Variants in ZNF469 observed in about 807,000 individuals in gnomAD.
The protein encoded by ZNF469 is zinc finger protein 469.
Under a neutral mutation model 1.0 loss-of-function variants are expected in ZNF469, and 1 was observed. The observed-to-expected ratio is 1.00, with a 90% CI of 0.35 to 4.73. The LOEUF (loss-of-function observed/expected upper bound fraction) is 4.73. Among genes scored for constraint, ZNF469 ranks in the 30% most tolerant of loss-of-function variants. The pLI is 0.16. For synonymous variants in ZNF469, 2,703 were observed against 2,363.4 expected (o/e 1.14, Z -4.17); for missense variants, 6,100 against 5,356.3 (o/e 1.14, Z -4.33).
the ZNF469 span, among the ~76,000 whole-genome samples, chr16:88,372,424 A>G: frequency 6.6e-6 from 1 of 151,088 alleles, no homozygotes; most frequent in Non-Finnish European, 1.5e-5. Context: ...CATCACCATC[A>G]TCACCATCAT....
In ZNF469 at chr16:88,435,615, T is replaced by C. The variant is rs2142311990; in HGVS notation, c.8145T>C (p.Cys2715=). The change falls in exon 3 of 3, where the codon TGT becomes TGC. Residue 2715 remains cysteine (C), a synonymous_variant. Transcript: ENST00000565624. ...GAAETDQEAL[C]AGETGAQKPP... ...CGGAGACTGACCAGGAGGCTCTGTGTGCAGGGGAGACTGGGGCCCAGAAGC... is the reference window on the plus strand; with the variant it reads ...CGGAGACTGACCAGGAGGCTCTGTGCGCAGGGGAGACTGGGGCCCAGAAGC... 2 of 1,550,304 alleles carry C rather than the reference T, an allele frequency of 1.3e-6. No individual in the cohort carries two copies. The highest frequency in any genetic ancestry group is 1.7e-6 in the Non-Finnish European group (2 of 1,146,970).
At chr16:88,306,554 G>T in the ZNF469 span, among the ~76,000 whole-genome samples, 4 of 152,336 alleles carry the variant, frequency 2.6e-5, no homozygotes, top group African/African-American at 7.2e-5. Flanking sequence ...GGGTGGTGGG[G>T]TGTGGTCCAC....
At chr16:88,318,271 C>A in the ZNF469 span, among the ~76,000 whole-genome samples, 1 of 152,240 alleles carries the variant, frequency 6.6e-6, no homozygotes, top group Non-Finnish European at 1.5e-5. Flanking sequence ...GCAAAGCCCC[C>A]AGTGGGCCCG....
chr16:88,222,477 G>C, the ZNF469 span, among the ~76,000 whole-genome samples: 1 of 152,196 alleles, frequency 6.6e-6, no homozygotes, highest in Non-Finnish European at 1.5e-5. Context: ...TTTTCCTAAG[G>C]CTGGGTGCGG....
the ZNF469 span, among the ~76,000 whole-genome samples, chr16:88,122,514 C>G: frequency 6.6e-6 from 1 of 151,566 alleles, no homozygotes; most frequent in Non-Finnish European, 1.5e-5. Context: ...CCACTCAGAT[C>G]ACACTCTGTC....
At chr16:88,153,310 AC>A in the ZNF469 span, among the ~76,000 whole-genome samples, 3 of 152,150 alleles carry the variant, frequency 2.0e-5, no homozygotes, top group African/African-American at 7.2e-5. Context: ...CACACTGAGC[AC>A]CCTAACCCTA....
At chr16:88,419,655 G>A (rs1052981956) in intron 1 of ZNF469, among the ~76,000 whole-genome samples, 4 of 152,176 alleles carry the variant, frequency 2.6e-5, no homozygotes, top group Admixed American at 6.5e-5. Flanking sequence ...CCCTTGAAGC[G>A]CCGTCTGCCC....
chr16:88,244,101 ATGGG>A, the ZNF469 span, among the ~76,000 whole-genome samples: 5 of 146,620 alleles, frequency 3.4e-5, no homozygotes, highest in Non-Finnish European at 7.5e-5. Flanking sequence ...AGATGGCTGA[ATGGG>A]TGGGTGGGTG....
At chr16:88,111,043 G>C in the ZNF469 span, among the ~76,000 whole-genome samples, 1 of 152,224 alleles carries the variant, frequency 6.6e-6, no homozygotes, top group South Asian at 2.1e-4. Context: ...AGTGTCGAAG[G>C]CCCCTTGCTT....
chr16:88,277,652 C>T, the ZNF469 span, among the ~76,000 whole-genome samples: 489 of 131,156 alleles, frequency 3.7e-3, 18 homozygotes, highest in African/African-American at 0.013. Flanking sequence ...TGCTGTGCCA[C>T]GCTGACACTC....
chr16:88,254,632 C>A, the ZNF469 span, among the ~76,000 whole-genome samples: 1 of 152,144 alleles, frequency 6.6e-6, no homozygotes, highest in Non-Finnish European at 1.5e-5. Flanking sequence ...GTGGCACATG[C>A]CTGTAATCCC....
At chr16:88,303,294 C>T in the ZNF469 span, among the ~76,000 whole-genome samples, 1 of 152,332 alleles carries the variant, frequency 6.6e-6, no homozygotes. Context: ...TCACTTCATC[C>T]CATGTATCAT....
chr16:88,224,185 T>C, the ZNF469 span, among the ~76,000 whole-genome samples: 1 of 152,086 alleles, frequency 6.6e-6, no homozygotes, highest in Non-Finnish European at 1.5e-5. Context: ...AAGGAAACAT[T>C]CCTTCCTCAA....
At chr16:88,156,442 T>C in the ZNF469 span, among the ~76,000 whole-genome samples, 1 of 152,218 alleles carries the variant, frequency 6.6e-6, no homozygotes, top group African/African-American at 2.4e-5. Context: ...CTCCATCCTA[T>C]TGCACATGGA....
At chr16:88,260,664 C>T in the ZNF469 span, among the ~76,000 whole-genome samples, 1 of 152,172 alleles carries the variant, frequency 6.6e-6, no homozygotes, top group Non-Finnish European at 1.5e-5. This position sits in a 1 kb window ranked among gnomAD's most constrained non-coding sequence, Gnocchi z 4.1. Context: ...GAGCTAAATG[C>T]CGTCATTTCT....
the ZNF469 span, among the ~76,000 whole-genome samples, chr16:88,337,604 G>A: frequency 6.6e-6 from 1 of 152,194 alleles, no homozygotes; most frequent in Non-Finnish European, 1.5e-5. Context: ...GGAAGTGCCA[G>A]GCTGCTCCTC....
At chr16:88,385,207 G>C (rs1427455253) in intron 1 of ZNF469, among the ~76,000 whole-genome samples, 15 of 152,138 alleles carry the variant, frequency 9.9e-5, no homozygotes, top group Non-Finnish European at 1.5e-5. Context: ...TGGAAGCAGA[G>C]ATGCCCTCCC....
chr16:88,338,652 G>A, the ZNF469 span, among the ~76,000 whole-genome samples: 1 of 152,196 alleles, frequency 6.6e-6, no homozygotes, highest in Non-Finnish European at 1.5e-5. Context: ...AACATGGCCT[G>A]CTTTACAGAC....
chr16:88,153,737 G>A, the ZNF469 span, among the ~76,000 whole-genome samples: 1 of 152,234 alleles, frequency 6.6e-6, no homozygotes, highest in Non-Finnish European at 1.5e-5. Context: ...GCCCTACAGA[G>A]TTGGATTCCC....
Sources: allele counts gnomAD v4.1 joint callset (sites outside exome capture counted in the v4.1 genomes callset), GRCh38; gene constraint gnomAD v4.1.1; non-coding constraint Gnocchi (gnomAD v3.1); transcripts MANE v1.5; gene names NCBI Gene and HGNC (gene_info 2026-07-23, HGNC 2026-07-21).